KDM5A: variants seen among roughly 807,000 people sequenced by gnomAD.
KDM5A encodes lysine demethylase 5A, also known as lysine-specific demethylase 5A.
In KDM5A, 42 loss-of-function variants were observed where a neutral mutation model predicts 193.5. That is an observed-to-expected ratio of 0.22 (90% confidence interval 0.17 to 0.28). KDM5A has a LOEUF of 0.28. Ranked by LOEUF, KDM5A falls within the 10% of genes least tolerant of loss-of-function variation. The pLI, the probability that KDM5A is intolerant of heterozygous loss-of-function variation, is 1.00. For missense variants in KDM5A, 1,692 were observed against 2,055.1 expected, an observed-to-expected ratio of 0.82 and a Z score of 3.42; for synonymous variants, 796 against 718.1, an observed-to-expected ratio of 1.11 and a Z score of -1.73.
At chr12:358,208 T>A (rs183776464) in intron 5 of KDM5A, among the ~76,000 whole-genome samples, 37 of 152,308 alleles carry the variant, frequency 2.4e-4, no homozygotes, top group African/African-American at 8.2e-4. Flanking sequence ...TATAGACTAA[T>A]AGCCAAAATT....
Position 307,763 on chromosome 12 carries a change from T to C in KDM5A, c.3621A>G (p.Glu1207=). The C allele has an allele frequency of 6.2e-7, 1 of 1,614,226 alleles. No homozygotes were observed. Among genetic ancestry groups the C allele is most frequent in the Non-Finnish European group, 8.5e-7 (1 of 1,180,038 alleles). The part of the protein sequence containing the change: ...QKKGSSWQAK[E]VKFLCPLCMR... ...TACAAAGAGGGCAAAGGAATTTTAC[T>C]TCTTTAGCTTGCCAGCTGGATCCTT... Residue 1207 remains glutamate (E), a synonymous_variant, in exon 23 of 28, where the codon GAA becomes GAG. Transcript: ENST00000399788. The surrounding 1 kb of genome is among the most constrained non-coding windows in gnomAD (Gnocchi z 4.3).
rs1048796442 is a variant in KDM5A, at chr12:282,579, T to C, written c.*2877A>G. ...AAGCTAACTACTGGTGCTGTATTTG[T>C]ACTTTTAAACTTGGGGATCTGCATA... On this transcript the variant is annotated 3_prime_UTR_variant, in exon 28 of 28. Coordinates refer to ENST00000399788, the MANE Select transcript of KDM5A (RefSeq NM_001042603.3). The C allele has an allele frequency of 8.6e-6, 2 of 233,060 alleles. No individual in the cohort carries two copies. Among genetic ancestry groups the C allele is most frequent in the African/African-American group, 4.4e-5 (2 of 45,360 alleles). The allele number at this position is 233,060 out of a possible 1,614,324, so 14.4% of individuals were successfully genotyped here.
At chr12:342,462 T>A (rs886847454) in intron 10 of KDM5A, among the ~76,000 whole-genome samples, 1 of 151,692 alleles carries the variant, frequency 6.6e-6, no homozygotes, top group Non-Finnish European at 1.5e-5. Flanking sequence ...TAAAATGTGT[T>A]TTTTTTTTCC....
chr12:294,103 A>G (rs553969471), intron 26 of KDM5A, among the ~76,000 whole-genome samples: 1 of 152,240 alleles, frequency 6.6e-6, no homozygotes, highest in African/African-American at 2.4e-5. Context: ...TCAGAAAAAC[A>G]TAAAATTGTA....
chr12:371,703 T>A, intron 3 of KDM5A, among the ~76,000 whole-genome samples: 1 of 152,222 alleles, frequency 6.6e-6, no homozygotes, highest in Non-Finnish European at 1.5e-5. Flanking sequence ...TGAATGGTAC[T>A]GCCTAGGTTT....
intron 25 of KDM5A, among the ~76,000 whole-genome samples, chr12:296,138 G>C (rs1182108269): frequency 6.6e-6 from 1 of 151,930 alleles, no homozygotes; most frequent in Non-Finnish European, 1.5e-5. Context: ...GACCAACATA[G>C]TGAAACCCCA....
At position 326,738 on chromosome 12, in the gene KDM5A, G is replaced by A. The variant is rs975476947; in HGVS notation, c.1968+2097C>T. Among the ~76,000 whole-genome samples, 3 of 152,110 alleles carry A rather than the reference G, an allele frequency of 2.0e-5. No homozygotes were observed. The South Asian group carries it at 6.2e-4, about 32-fold the overall frequency. ...TAGCCGGGCGTGGTGGCAGGCGCCTGTAGTCCCAGCTACTCGGGAGGCTGA... is the reference window on the plus strand; with the variant it reads ...TAGCCGGGCGTGGTGGCAGGCGCCTATAGTCCCAGCTACTCGGGAGGCTGA... On this transcript the variant is annotated intron_variant, in intron 14 of 27. Coordinates refer to ENST00000399788, the MANE Select transcript of KDM5A (RefSeq NM_001042603.3).
Position 386,094 on chromosome 12 carries a change from T to G in KDM5A, c.166-120A>C, listed in dbSNP as rs1189099910. On this transcript the variant is annotated intron_variant, in intron 1 of 27. Transcript: ENST00000399788. ...GTGCTAATAGACTAACTTACAAGTC[T>G]TCTTTATTATAGAGACAGAATGAGC... 6.0e-5 allele frequency: 43 copies of G among 711,742 alleles called. 1 individual carries two copies. The highest frequency in any genetic ancestry group is 5.9e-4 in the Middle Eastern group (2 of 3,378). The allele number at this position is 711,742 out of a possible 1,614,324, so 44.1% of individuals were successfully genotyped here.
intron 14 of KDM5A, among the ~76,000 whole-genome samples, chr12:326,345 A>C (rs1943783417): frequency 1.3e-5 from 2 of 152,246 alleles, no homozygotes; most frequent in Non-Finnish European, 2.9e-5. Context: ...TAAGACCCTT[A>C]GATGAGAATT....
Position 354,239 on chromosome 12 carries a change from TA to T in KDM5A, c.871-6del, listed in dbSNP as rs774270936. The T allele has an allele frequency of 1.7e-3, 2,442 of 1,473,736 alleles. No individual in the cohort carries two copies. Among genetic ancestry groups the T allele is most frequent in the Middle Eastern group, 2.1e-3 (12 of 5,630 alleles). The allele number at this position is 1,473,736 out of a possible 1,614,324, so 91.3% of individuals were successfully genotyped here. On this transcript the variant is annotated splice_polypyrimidine_tract_variant and splice_region_variant and intron_variant, in intron 7 of 27. Coordinates refer to ENST00000399788, the MANE Select transcript of KDM5A (RefSeq NM_001042603.3). ...CATACAAACATAGAGATCAACCTGT[TA>T]AAAAAAAAATAAATGAAAGTCTATT...
intron 20 of KDM5A, 116 bp downstream of exon 20, chr12:312,940 T>C: frequency 8.6e-7 from 1 of 1,165,954 alleles, no homozygotes; most frequent in Admixed American, 1.8e-5. Context: ...CAAATCGATC[T>C]AAGTTAGGGA....
intron 3 of KDM5A, among the ~76,000 whole-genome samples, chr12:382,924 T>C (rs1296257559): frequency 6.6e-6 from 1 of 150,852 alleles, no homozygotes; most frequent in South Asian, 2.1e-4. Context: ...AGAGCAAAAC[T>C]CCATCTCAAA....
Position 352,278 on chromosome 12 carries a change from C to T in KDM5A, c.1076G>A (p.Arg359Gln), listed in dbSNP as rs185024467. Reference sequence around the variant, plus strand: ...TCCAAAGCTCTGAAGTGTATACTCTCGTACAGCTTGTTCAAATCCAAAGGC... The same window carrying T: ...TCCAAAGCTCTGAAGTGTATACTCTTGTACAGCTTGTTCAAATCCAAAGGC... ...REAFGFEQAV[R>Q]EYTLQSFGEM... The change falls in exon 9 of 28, where the codon CGA becomes CAA. Residue 359 changes from arginine (R) to glutamine (Q), a missense_variant. Arg to Gln is a conservative substitution (Grantham distance 43, BLOSUM62 1). Transcript: ENST00000399788. 39 of 1,612,606 alleles carry T rather than the reference C, an allele frequency of 2.4e-5. No individual in the cohort carries two copies. In the Admixed American group the frequency reaches 3.2e-4, roughly 13 times the overall value.
intron 2 of KDM5A, 25 bp from the exon 3 acceptor site, chr12:384,178 A>G: frequency 6.5e-7 from 1 of 1,542,864 alleles, no homozygotes; most frequent in Non-Finnish European, 9.0e-7. Flanking sequence ...ATACAGAAGA[A>G]CTAAGTTATG....
At chr12:299,001 A>G (rs1173067321) in intron 24 of KDM5A, among the ~76,000 whole-genome samples, 1 of 151,938 alleles carries the variant, frequency 6.6e-6, no homozygotes, top group Admixed American at 6.6e-5. Context: ...AGATTAGAGG[A>G]AAAAGAGTGA....
In KDM5A at chr12:285,561, T is replaced by G. The variant is rs1943210902; in HGVS notation, c.4968A>C (p.Ile1656=). Residue 1656 remains isoleucine (I), a synonymous_variant, in exon 28 of 28, where the codon ATA becomes ATC. Coordinates refer to ENST00000399788, the MANE Select transcript of KDM5A (RefSeq NM_001042603.3). The stretch of plus-strand genomic sequence containing the variant: ...CTGGCCCCTGCTTCTTTGCACAGTT[T>G]ATACAGATGTAATCTTCATTTTCAG... ...EMAENEDYIC[I]NCAKKQGPVS... is the part of the protein sequence containing the mutation. The G allele has an allele frequency of 6.2e-7, 1 of 1,614,052 alleles. No homozygotes were observed. Among genetic ancestry groups the G allele is most frequent in the Non-Finnish European group, 8.5e-7 (1 of 1,179,964 alleles).
At chr12:369,175 ACAAT>A (rs1278535440) in intron 3 of KDM5A, among the ~76,000 whole-genome samples, 3 of 148,916 alleles carry the variant, frequency 2.0e-5, no homozygotes, top group African/African-American at 4.8e-5. Context: ...CTCTGTTCAA[ACAAT>A]CAATCAGGGG....
At chr12:372,256 G>T (rs957890177) in intron 3 of KDM5A, among the ~76,000 whole-genome samples, 5 of 152,116 alleles carry the variant, frequency 3.3e-5, no homozygotes, top group African/African-American at 1.2e-4. Flanking sequence ...CCATTTGTTT[G>T]TGTCCTCTTT....
intron 5 of KDM5A, among the ~76,000 whole-genome samples, chr12:362,281 G>A (rs1436621269): frequency 6.6e-6 from 1 of 151,446 alleles, no homozygotes; most frequent in East Asian, 1.9e-4. Flanking sequence ...GAGAAGCAAA[G>A]CTTGGGGAAA....
Sources: allele counts gnomAD v4.1 joint callset (sites outside exome capture counted in the v4.1 genomes callset), GRCh38; gene constraint gnomAD v4.1.1; non-coding constraint Gnocchi (gnomAD v3.1); transcripts MANE v1.5; gene names NCBI Gene and HGNC (gene_info 2026-07-23, HGNC 2026-07-21).